The following DUSP15 variants were observed in gnomAD, a reference collection of about 807,000 sequenced individuals.
DUSP15 encodes dual specificity phosphatase 15.
DUSP15 carries 23 observed loss-of-function variants against 26.3 expected under a neutral mutation model. The ratio of observed to expected loss-of-function variants is 0.87; its 90% CI spans 0.63 to 1.24. DUSP15 has a LOEUF of 1.24. Among genes scored for constraint, DUSP15 ranks in the 50% most tolerant of loss-of-function variants. The probability of loss-of-function intolerance (pLI) is 0.00; values close to 1 mark genes in which losing one functional copy is unlikely to be tolerated. For missense variants in DUSP15, 364 were observed against 320.6 expected, an observed-to-expected ratio of 1.14 and a Z score of -1.03; for synonymous variants, 143 against 135.5, an observed-to-expected ratio of 1.06 and a Z score of -0.39.
chr20:31,859,786 G>C (rs2062615299), downstream of DUSP15, among the ~76,000 whole-genome samples: 1 of 152,134 alleles, frequency 6.6e-6, no homozygotes. Flanking sequence ...ACCATCAGAG[G>C]TAGAAGGTGT....
upstream of DUSP15, chr20:31,870,622 G>A (rs1251619737): frequency 4.4e-6 from 6 of 1,350,758 alleles, no homozygotes; most frequent in Non-Finnish European, 4.7e-6. This position sits in a 1 kb window ranked among gnomAD's most constrained non-coding sequence, Gnocchi z 6.6. Context: ...GCGGGGGGCC[G>A]GACAAAGCCC....
At chr20:31,845,620 C>A (rs915260057), downstream of DUSP15, 13 of 1,546,406 alleles carry the variant, frequency 8.4e-6, no homozygotes, top group Non-Finnish European at 1.1e-5. Context: ...ATAGCCTGCC[C>A]AGGCTGGTTA....
At chr20:31,861,797 CCCTCCCTTCCTGAGCGTCTTCTTTG>C in intron 6 of DUSP15, 122 bp from the exon 7 acceptor site, 3 of 769,792 alleles carry the variant, frequency 3.9e-6, no homozygotes, top group Non-Finnish European at 5.6e-6. Context: ...CTCGCTGAGC[CCCTCCCTTCCTGAGCGTCTTCTTTG>C]CCTCCCTTCT....
intron 3 of DUSP15, 70 bp from the exon 4 acceptor site, chr20:31,865,072 C>T: frequency 6.4e-7 from 1 of 1,561,054 alleles, no homozygotes; most frequent in Non-Finnish European, 8.8e-7. Flanking sequence ...TCCGAGCTGC[C>T]CAGGCAGGGC....
downstream of DUSP15, among the ~76,000 whole-genome samples, chr20:31,857,737 CT>C (rs2062584608): frequency 6.6e-6 from 1 of 152,192 alleles, no homozygotes; most frequent in Non-Finnish European, 1.5e-5. Context: ...CCATCTCTTT[CT>C]CAAGAAAGGA....
chr20:31,866,702 C>T (rs964201642), intron 3 of DUSP15, among the ~76,000 whole-genome samples: 6 of 152,246 alleles, frequency 3.9e-5, no homozygotes, highest in Admixed American at 6.5e-5. Flanking sequence ...GGTGAAGTCA[C>T]AGCCCAAGGT....
At chr20:31,852,940 C>T (rs745534049) in intron 6 of DUSP15, among the ~76,000 whole-genome samples, 2 of 152,188 alleles carry the variant, frequency 1.3e-5, no homozygotes, top group Non-Finnish European at 1.5e-5. Flanking sequence ...TGTTGGTGCC[C>T]TCCAAATGCT....
At chr20:31,856,314 AGG>A (rs2062562501), downstream of DUSP15, among the ~76,000 whole-genome samples, 1 of 152,018 alleles carries the variant, frequency 6.6e-6, no homozygotes, top group South Asian at 2.1e-4. Flanking sequence ...GATGGCTTTG[AGG>A]GTATAGTGAG....
chr20:31,848,777 T>G, intron 9 of DUSP15: 1 of 1,597,816 alleles, frequency 6.3e-7, no homozygotes, highest in Non-Finnish European at 8.5e-7. Context: ...AGGGCGTGCT[T>G]CTTGGCTGGA....
chr20:31,848,711 C>A, intron 9 of DUSP15: 1 of 1,485,614 alleles, frequency 6.7e-7, no homozygotes, highest in Admixed American at 2.1e-5. Context: ...CTAGAAGTGT[C>A]AGAGGCAGAG....
intron 5 of DUSP15, among the ~76,000 whole-genome samples, chr20:31,863,080 G>T (rs6089102): frequency 0.12 from 17,535 of 152,136 alleles, 1,358 homozygotes; most frequent in Non-Finnish European, 0.16. Context: ...ATGGCTGGGG[G>T]GGGGGGACAG....
Position 31,870,402 on chromosome 20 carries a change from C to A in DUSP15, c.-65G>T. 7.8e-7 allele frequency: 1 copy of A among 1,288,950 alleles called. No homozygotes were observed. The highest frequency in any genetic ancestry group is 2.9e-5 in the East Asian group (1 of 34,206). The allele number at this position is 1,288,950 out of a possible 1,614,324, so 79.8% of individuals were successfully genotyped here. On this transcript the variant is annotated 5_prime_UTR_variant, in exon 1 of 7. Coordinates refer to ENST00000339738, the MANE Select transcript of DUSP15 (RefSeq NM_080611.5). This position sits in a 1 kb window ranked among gnomAD's most constrained non-coding sequence, Gnocchi z 6.6. ...CGCCCGGGAAGCGATCCGGTCACAG[C>A]TGCCCTGACGGCCCAGGCCCGACGC... is the stretch of plus-strand genomic sequence containing the variant.
chr20:31,849,065 GC>G (rs964921943), intron 8 of DUSP15, among the ~76,000 whole-genome samples: 22 of 151,996 alleles, frequency 1.4e-4, no homozygotes, highest in Admixed American at 5.2e-4. Context: ...ACGTTCCTAT[GC>G]CTGTCCCATG....
chr20:31,854,072 G>C (rs899072693), intron 6 of DUSP15, among the ~76,000 whole-genome samples: 5 of 152,212 alleles, frequency 3.3e-5, no homozygotes, highest in African/African-American at 1.2e-4. Flanking sequence ...TTCAGGCAAG[G>C]CCAGTGTGGT....
At chr20:31,858,136 C>A (rs1374523597), downstream of DUSP15, among the ~76,000 whole-genome samples, 1 of 152,200 alleles carries the variant, frequency 6.6e-6, no homozygotes, top group African/African-American at 2.4e-5. The surrounding 1 kb of genome is among the most constrained non-coding windows in gnomAD (Gnocchi z 4.4). Flanking sequence ...AGTCCCCTGT[C>A]CCCTTGCCCT....
At chr20:31,865,131 C>T (rs1416808623) in intron 3 of DUSP15, 129 bp from the exon 4 acceptor site, 5 of 979,846 alleles carry the variant, frequency 5.1e-6, no homozygotes, top group Non-Finnish European at 8.0e-6. Context: ...GTGGTCCTCT[C>T]TGTCCAAAGA....
In DUSP15 at chr20:31,862,567, C is replaced by G. The variant is rs779241137; in HGVS notation, c.435+4G>C. Reference sequence around the variant, plus strand: ...CCCAACCCAGCCCTTGACCCCATCCCTACCTTCTGGGAACTGGCCCAGCCA... The same window carrying G: ...CCCAACCCAGCCCTTGACCCCATCCGTACCTTCTGGGAACTGGCCCAGCCA... On this transcript the variant is annotated splice_donor_region_variant and intron_variant, in intron 6 of 6. Transcript: ENST00000339738. The G allele has an allele frequency of 3.7e-6, 6 of 1,603,216 alleles. No homozygotes were observed. The East Asian group carries it at 1.3e-4, about 36-fold the overall frequency.
At position 31,864,941 on chromosome 20, in the gene DUSP15, A is replaced by G. The variant is rs753742523; in HGVS notation, c.188+12T>C. 3.1e-6 allele frequency: 5 copies of G among 1,612,280 alleles called. No individual in the cohort carries two copies. The highest frequency in any genetic ancestry group is 3.4e-6 in the Non-Finnish European group (4 of 1,179,326). Reference sequence around the variant, plus strand: ...TGTCTGTCCATCTATGGGTCCATCCAGGGGAACTTACATGGGTACCTCAGG... The same window carrying G: ...TGTCTGTCCATCTATGGGTCCATCCGGGGGAACTTACATGGGTACCTCAGG... On this transcript the variant is annotated intron_variant, in intron 4 of 6. Transcript: ENST00000339738.
chr20:31,867,707 C>T (rs6121249), intron 2 of DUSP15, among the ~76,000 whole-genome samples: 45,586 of 138,920 alleles, frequency 0.33, 7,559 homozygotes, highest in East Asian at 0.62. Context: ...TCCAGTGGCG[C>T]GATCTCGGCT....
Sources: gnomAD v4.1 joint callset for allele counts (sites outside exome capture counted in the v4.1 genomes callset) on GRCh38, gnomAD v4.1.1 for gene constraint, Gnocchi (gnomAD v3.1) non-coding constraint, MANE v1.5 for transcripts, NCBI Gene and HGNC (gene_info 2026-07-23, HGNC 2026-07-21) for gene names.